SORCS2: variants seen among roughly 807,000 people sequenced by gnomAD.
The protein encoded by SORCS2 is VPS10 domain-containing receptor SorCS2.
A neutral mutation model predicts 141.6 loss-of-function variants in SORCS2; 100 were observed. That is an observed-to-expected ratio of 0.71 (90% confidence interval 0.60 to 0.83). The LOEUF (loss-of-function observed/expected upper bound fraction) is 0.83. SORCS2 is among the 40% of genes least tolerant of loss of function. The pLI is 0.00. For synonymous variants in SORCS2, 789 were observed against 676.9 expected (o/e 1.17, Z -2.57); for missense variants, 1,646 against 1,560.2 (o/e 1.05, Z -0.93).
chr4:7,664,723 C>A lies in SORCS2; in HGVS notation c.1071+252C>A, dbSNP rs1722397540. 6.6e-6 allele frequency among the ~76,000 whole-genome samples: 1 copy of A among 152,176 alleles called. No individual in the cohort carries two copies. Among genetic ancestry groups the A allele is most frequent in the African/African-American group, 2.4e-5 (1 of 41,438 alleles). The stretch of plus-strand genomic sequence containing the variant: ...CTTCTGGCCACCACGAACCTCCCAG[C>A]CACTCGGGGTCCCCAAACCTAAGCC... On this transcript the variant is annotated intron_variant, in intron 7 of 26. Coordinates refer to ENST00000507866, the MANE Select transcript of SORCS2 (RefSeq NM_020777.3). This position sits in a 1 kb window ranked among gnomAD's most constrained non-coding sequence, Gnocchi z 4.7.
chr4:7,384,228 C>T (rs10937809), intron 1 of SORCS2, among the ~76,000 whole-genome samples: 44,950 of 152,042 alleles, frequency 0.3, 7,136 homozygotes, highest in East Asian at 0.65. Context: ...GCAGGTAATG[C>T]CTCTCGGTGC....
At chr4:7,450,345 G>C (rs1239510123) in intron 2 of SORCS2, among the ~76,000 whole-genome samples, 3 of 152,196 alleles carry the variant, frequency 2.0e-5, no homozygotes, top group African/African-American at 7.2e-5. Context: ...AAGCTGGAGG[G>C]GGCAGCTGCA....
At chr4:7,550,124 ATG>A (rs1446623939) in intron 3 of SORCS2, among the ~76,000 whole-genome samples, 1 of 70,190 alleles carries the variant, frequency 1.4e-5, no homozygotes, top group Non-Finnish European at 3.1e-5. Context: ...GTGTGTGTGT[ATG>A]TGTGTATGTG....
chr4:7,269,683 C>G (rs1714987871), intron 1 of SORCS2, among the ~76,000 whole-genome samples: 1 of 152,194 alleles, frequency 6.6e-6, no homozygotes, highest in African/African-American at 2.4e-5. Context: ...GGGTGAGAGG[C>G]CTGAATGGCT....
At chr4:7,358,115 A>G (rs1721368121) in intron 1 of SORCS2, among the ~76,000 whole-genome samples, 1 of 152,236 alleles carries the variant, frequency 6.6e-6, no homozygotes, top group Non-Finnish European at 1.5e-5. Flanking sequence ...ATCTGTTTTC[A>G]CAGGAAAGGG....
intron 3 of SORCS2, among the ~76,000 whole-genome samples, chr4:7,534,715 C>T (rs1035633674): frequency 2.5e-4 from 38 of 152,326 alleles, no homozygotes; most frequent in African/African-American, 8.2e-4. Context: ...AAGCAGGCGC[C>T]TCCGGAAAGA....
intron 3 of SORCS2, among the ~76,000 whole-genome samples, chr4:7,607,377 G>A (rs1211375369): frequency 5.3e-5 from 8 of 152,104 alleles, no homozygotes; most frequent in Non-Finnish European, 8.8e-5. Context: ...GGTGCGTCGG[G>A]GAATTTTTGT....
At chr4:7,308,941 T>G (rs1248529328) in intron 1 of SORCS2, among the ~76,000 whole-genome samples, 1 of 152,198 alleles carries the variant, frequency 6.6e-6, no homozygotes, top group Admixed American at 6.5e-5. Flanking sequence ...CCTCCTGCTC[T>G]CTGGCCCTCT....
At chr4:7,479,264 G>T (rs1174469593) in intron 2 of SORCS2, among the ~76,000 whole-genome samples, 1 of 152,008 alleles carries the variant, frequency 6.6e-6, no homozygotes, top group Non-Finnish European at 1.5e-5. Context: ...AACCAGGGAA[G>T]CTCAGCTGAG....
intron 1 of SORCS2, among the ~76,000 whole-genome samples, chr4:7,235,014 T>C (rs1000715488): frequency 1.3e-5 from 2 of 152,084 alleles, no homozygotes; most frequent in African/African-American, 4.8e-5. Context: ...CAGGAGCGAG[T>C]TGGGCACAGG....
At chr4:7,205,816 G>C (rs947926248) in intron 1 of SORCS2, among the ~76,000 whole-genome samples, 1 of 152,226 alleles carries the variant, frequency 6.6e-6, no homozygotes, top group Non-Finnish European at 1.5e-5. Context: ...GCAGAGGCGG[G>C]TGGATCACGT....
chr4:7,309,086 G>A (rs1718021032), intron 1 of SORCS2, among the ~76,000 whole-genome samples: 1 of 152,226 alleles, frequency 6.6e-6, no homozygotes, highest in African/African-American at 2.4e-5. Context: ...TCTAGCACCA[G>A]GCGGGCTGGG....
intron 2 of SORCS2, among the ~76,000 whole-genome samples, chr4:7,466,079 C>G (rs76588396): frequency 0.015 from 2,284 of 152,284 alleles, 53 homozygotes; most frequent in African/African-American, 0.053. Context: ...ATTCATTTAT[C>G]CAGATTTTTT....
intron 3 of SORCS2, among the ~76,000 whole-genome samples, chr4:7,601,143 A>G (rs1295138277): frequency 6.6e-6 from 1 of 152,172 alleles, no homozygotes; most frequent in Non-Finnish European, 1.5e-5. Flanking sequence ...AGAAGTTTTA[A>G]TAGACTGCTT....
chr4:7,526,809 G>T (rs4501225), intron 2 of SORCS2, among the ~76,000 whole-genome samples: 145,910 of 152,316 alleles, frequency 0.96, 69,938 homozygotes, highest in East Asian at 1. Flanking sequence ...TAAAACTGCT[G>T]TAAGAAATAA....
intron 2 of SORCS2, among the ~76,000 whole-genome samples, chr4:7,457,643 G>A (rs887457827): frequency 1.5e-4 from 22 of 151,086 alleles, no homozygotes; most frequent in Non-Finnish European, 2.5e-4. Context: ...GGTATAAGCC[G>A]TGGCCAGAGG....
Position 7,628,108 on chromosome 4 carries a change from C to CG in SORCS2, c.649-10215dup, listed in dbSNP as rs928195904. Among the ~76,000 whole-genome samples, 6 of 152,170 alleles carry CG rather than the reference C, an allele frequency of 3.9e-5. 1 individual carries two copies. Among genetic ancestry groups the CG allele is most frequent in the Admixed American group, 2.6e-4 (4 of 15,286 alleles). ...GCTTGGGGGTAGAGTCTAAGGGAGG[C>CG]GGGGGTGTGTGGTCTCTGGGCTTCC... is the stretch of plus-strand genomic sequence containing the variant. On this transcript the variant is annotated intron_variant, in intron 3 of 26. Transcript: ENST00000507866.
At position 7,511,797 on chromosome 4, in the gene SORCS2, G is replaced by A. The variant is rs141265873; in HGVS notation, c.549-19733G>A. Among the ~76,000 whole-genome samples, 656 of 152,264 alleles carry A rather than the reference G, an allele frequency of 4.3e-3. 2 individuals are homozygous for A. The highest frequency in any genetic ancestry group is 7.6e-3 in the Non-Finnish European group (518 of 68,018). On this transcript the variant is annotated intron_variant, in intron 2 of 26. Transcript: ENST00000507866. ...TCAGCTGTCTGCTGCCCACCCAGAC[G>A]CTCAGATGCAGAAAATTCAGGCAAG... is the stretch of plus-strand genomic sequence containing the variant.
chr4:7,279,848 G>A (rs943094861), intron 1 of SORCS2, among the ~76,000 whole-genome samples: 11 of 151,952 alleles, frequency 7.2e-5, no homozygotes, highest in African/African-American at 2.2e-4. Context: ...ATTTCTGGAC[G>A]CACCTCCCCT....
Sources: gnomAD v4.1 joint callset for allele counts (sites outside exome capture counted in the v4.1 genomes callset) on GRCh38, gnomAD v4.1.1 for gene constraint, Gnocchi (gnomAD v3.1) non-coding constraint, MANE v1.5 for transcripts, NCBI Gene and HGNC (gene_info 2026-07-23, HGNC 2026-07-21) for gene names.